PAGE2B: variants seen among roughly 807,000 people sequenced by gnomAD.
The protein encoded by PAGE2B is putative G antigen family E member 3.
PAGE2B carries 5 observed loss-of-function variants against 7.6 expected under a neutral mutation model. That is an observed-to-expected ratio of 0.66 (90% CI 0.34 to 1.38). PAGE2B has a LOEUF of 1.38. PAGE2B is among the 40% of genes most tolerant of loss of function. PAGE2B has a pLI of 0.04. For missense variants in PAGE2B, 70 were observed against 78.4 expected, an observed-to-expected ratio of 0.89 and a Z score of 0.41; for synonymous variants, 29 against 26.7, an observed-to-expected ratio of 1.09 and a Z score of -0.27.
the PAGE2B span, among the ~76,000 whole-genome samples, chrX:55,048,610 T>C: frequency 4.5e-5 from 5 of 111,763 alleles, no homozygotes; most frequent in East Asian, 8.4e-4. Flanking sequence ...TCTGTTTGTC[T>C]GTTATTGGTG....
At chrX:55,045,479 A>G in the PAGE2B span, among the ~76,000 whole-genome samples, 3 of 111,371 alleles carry the variant, frequency 2.7e-5, no homozygotes, top group South Asian at 7.6e-4. Flanking sequence ...TATGACTAAC[A>G]TGTCTTGCTT....
chrX:55,034,358 G>C, the PAGE2B span, among the ~76,000 whole-genome samples: 4 of 111,898 alleles, frequency 3.6e-5, no homozygotes, highest in Admixed American at 3.8e-4. Flanking sequence ...GGTGATGGTA[G>C]CTGGGTTGTT....
the PAGE2B span, among the ~76,000 whole-genome samples, chrX:55,067,843 A>G: frequency 8.9e-6 from 1 of 112,413 alleles, no homozygotes; most frequent in East Asian, 2.8e-4. Flanking sequence ...GGCTGCATAA[A>G]TGTCTTCTTT....
At chrX:55,059,105 CAA>C in the PAGE2B span, among the ~76,000 whole-genome samples, 2,292 of 111,625 alleles carry the variant, frequency 0.021, 44 homozygotes, top group African/African-American at 0.061. Flanking sequence ...GCTAGTGCTG[CAA>C]TAACAAAATA....
chrX:55,066,168 G>A, the PAGE2B span, among the ~76,000 whole-genome samples: 1 of 111,636 alleles, frequency 9.0e-6, no homozygotes, highest in Non-Finnish European at 1.9e-5. Context: ...TCGGCTCACT[G>A]CAACCTCCAC....
chrX:55,041,164 C>T, the PAGE2B span, among the ~76,000 whole-genome samples: 3 of 99,956 alleles, frequency 3.0e-5, no homozygotes, highest in Non-Finnish European at 6.0e-5. Context: ...TCACTGCAGT[C>T]TCCACCTCCC....
At chrX:55,049,804 T>A in the PAGE2B span, among the ~76,000 whole-genome samples, 1 of 111,904 alleles carries the variant, frequency 8.9e-6, no homozygotes, top group Non-Finnish European at 1.9e-5. Context: ...TGTCTCTATC[T>A]CCTTCAGTTC....
At chrX:55,029,743 G>C in the PAGE2B span, among the ~76,000 whole-genome samples, 12 of 111,770 alleles carry the variant, frequency 1.1e-4, no homozygotes, top group African/African-American at 3.6e-4. Flanking sequence ...TGCTTGCCAG[G>C]CATCTTCTTA....
At chrX:55,076,352 G>GTATATGTA (rs1195549592) in intron 2 of PAGE2B, among the ~76,000 whole-genome samples, 3 of 102,341 alleles carry the variant, frequency 2.9e-5, no homozygotes, top group Admixed American at 1.0e-4. Flanking sequence ...GTGTGTGTGT[G>GTATATGTA]TATATGTATA....
chrX:55,047,068 C>A, the PAGE2B span, among the ~76,000 whole-genome samples: 1 of 110,396 alleles, frequency 9.1e-6, no homozygotes, highest in African/African-American at 3.3e-5. Flanking sequence ...CCTAATGCTA[C>A]ACCTCCCCCC....
At chrX:55,039,041 C>G in the PAGE2B span, among the ~76,000 whole-genome samples, 3 of 111,666 alleles carry the variant, frequency 2.7e-5, no homozygotes, top group Non-Finnish European at 3.8e-5. Flanking sequence ...TACATTGGCA[C>G]TAGTAAGATT....
chrX:55,076,649 C>T lies in PAGE2B; in HGVS notation c.165C>T (p.Ile55=), dbSNP rs2498448. The change falls in exon 3 of 5, where the codon ATC becomes ATT. Residue 55 remains isoleucine, a synonymous_variant. Coordinates refer to ENST00000374971, the MANE Select transcript of PAGE2B (RefSeq NM_001015038.3). ...DNQGIAPSGE[I]ENEGAPAVQG... is the part of the protein sequence containing the mutation. Reference sequence around the variant, plus strand: ...AGGGTATTGCACCTAGTGGGGAGATCGAAAATGAAGGAGCACCTGCCGTTC... The same window carrying T: ...AGGGTATTGCACCTAGTGGGGAGATTGAAAATGAAGGAGCACCTGCCGTTC... 18 of 1,203,980 alleles carry T rather than the reference C, an allele frequency of 1.5e-5. No individual in the cohort carries two copies. Among genetic ancestry groups the T allele is most frequent in the African/African-American group, 8.9e-5 (5 of 55,951 alleles).
chrX:55,036,001 G>C, the PAGE2B span, among the ~76,000 whole-genome samples: 1 of 111,519 alleles, frequency 9.0e-6, no homozygotes. Flanking sequence ...AGTTCTCCTT[G>C]AAGAAGTCCT....
chrX:55,042,554 T>TGAGGCAG, the PAGE2B span, among the ~76,000 whole-genome samples: 1 of 96,385 alleles, frequency 1.0e-5, no homozygotes, highest in Non-Finnish European at 2.0e-5. Flanking sequence ...CTTGGGAGGC[T>TGAGGCAG]GAGGCAGGAG....
chrX:55,029,334 A>G, the PAGE2B span, among the ~76,000 whole-genome samples: 2 of 111,668 alleles, frequency 1.8e-5, no homozygotes, highest in African/African-American at 6.5e-5. Context: ...CTGATAGTCA[A>G]ACACTTACAG....
chrX:55,048,866 G>A, the PAGE2B span, among the ~76,000 whole-genome samples: 2 of 111,660 alleles, frequency 1.8e-5, no homozygotes, highest in African/African-American at 6.5e-5. Context: ...GTGAGAGAGG[G>A]CATCCCTGTC....
the PAGE2B span, among the ~76,000 whole-genome samples, chrX:55,037,616 G>A: frequency 3.6e-5 from 4 of 110,407 alleles, no homozygotes; most frequent in Non-Finnish European, 7.6e-5. Context: ...TGTTTATTGC[G>A]GCACTATTCA....
chrX:55,042,877 C>G, the PAGE2B span, among the ~76,000 whole-genome samples: 1 of 109,052 alleles, frequency 9.2e-6, no homozygotes. Context: ...AAAAAGGAGT[C>G]CACATAGCCA....
At chrX:55,049,427 AT>A in the PAGE2B span, among the ~76,000 whole-genome samples, 5 of 111,233 alleles carry the variant, frequency 4.5e-5, no homozygotes, top group Admixed American at 1.9e-4. Context: ...CTGTGAATCC[AT>A]CTGGTCCTGG....
Sources: gnomAD v4.1 joint callset for allele counts (sites outside exome capture counted in the v4.1 genomes callset) on GRCh38, gnomAD v4.1.1 for gene constraint, MANE v1.5 for transcripts, NCBI Gene and HGNC (gene_info 2026-07-23, HGNC 2026-07-21) for gene names.